The following SMARCA4 variants were observed in gnomAD, a reference collection of about 807,000 sequenced individuals.
SMARCA4 encodes the protein SWI/SNF related BAF chromatin remodeling complex subunit ATPase 4, also known as SWI/SNF-related matrix-associated actin-dependent regulator of chromatin subfamily A member 4.
In SMARCA4, 31 loss-of-function variants were observed where a neutral mutation model predicts 193.9. The observed-to-expected ratio is 0.16, with a 90% confidence interval of 0.12 to 0.22. SMARCA4 has a LOEUF of 0.22. SMARCA4 is among the 10% of genes least tolerant of loss of function. The pLI is 1.00. For missense variants in SMARCA4, 1,148 were observed against 2,296.0 expected (o/e 0.50, Z 10.22); for synonymous variants, 942 against 933.1 (o/e 1.01, Z -0.17).
At chr19:11,027,381 C>T (rs1490171850) in intron 23 of SMARCA4, among the ~76,000 whole-genome samples, 2 of 152,166 alleles carry the variant, frequency 1.3e-5, no homozygotes, top group Non-Finnish European at 2.9e-5. Context: ...CCTTCTGGGT[C>T]TAGCAGAGCA....
In SMARCA4 at chr19:11,041,410, C is replaced by G; in HGVS notation, c.4274C>G (p.Thr1425Ser). ...RDSDAGSSTP[T>S]TSTRSRDKDD... ...AGCGACGCCGGCTCCTCCACCCCGA[C>G]CACCAGCACCCGCAGCCGCGACAAG... is the stretch of plus-strand genomic sequence containing the variant. The change falls in exon 30 of 35, where the codon ACC (threonine) becomes AGC (serine). Residue 1425 changes from threonine (T) to serine (S), a missense_variant. Thr to Ser is a moderately conservative substitution (Grantham distance 58). Coordinates refer to ENST00000344626, the MANE Select transcript of SMARCA4 (RefSeq NM_003072.5). This position sits in a 1 kb window ranked among gnomAD's most constrained non-coding sequence, Gnocchi z 5.6. 1 of 1,612,358 alleles carries G rather than the reference C, an allele frequency of 6.2e-7. No individual in the cohort carries two copies. Among genetic ancestry groups the G allele is most frequent in the Non-Finnish European group, 8.5e-7 (1 of 1,179,918 alleles).
In SMARCA4 at chr19:11,058,270, G is replaced by A. The variant is rs2147085103; in HGVS notation, c.4440G>A (p.Gln1480=). ...IKYKDSSSGR[Q]LSEVFIQLPS... ...TGCCTTGCAGCAGCAGTGGACGTCA[G>A]CTCAGCGAGGTCTTCATCCAGCTGC... is the stretch of plus-strand genomic sequence containing the variant. The change falls in exon 31 of 35, where the codon CAG becomes CAA. Residue 1480 remains glutamine, a synonymous_variant. Transcript: ENST00000344626. The surrounding 1 kb of genome is among the most constrained non-coding windows in gnomAD (Gnocchi z 5.8). 1.2e-6 allele frequency: 2 copies of A among 1,612,686 alleles called. No homozygotes were observed. Among genetic ancestry groups the A allele is most frequent in the Non-Finnish European group, 1.7e-6 (2 of 1,179,780 alleles).
chr19:11,007,472 C>G (rs1403426792), intron 13 of SMARCA4, among the ~76,000 whole-genome samples: 1 of 147,038 alleles, frequency 6.8e-6, no homozygotes, highest in Non-Finnish European at 1.5e-5. Context: ...AGTGTGGTGG[C>G]ATTTGCCTGT....
At chr19:11,003,503 C>G in intron 13 of SMARCA4, 106 bp downstream of exon 13, 1 of 1,034,130 alleles carries the variant, frequency 9.7e-7, no homozygotes, top group South Asian at 1.3e-5. Flanking sequence ...TCTTGTGGGG[C>G]AGGGAACAGC....
At chr19:10,982,908 G>A (rs1460213484) in intron 1 of SMARCA4, among the ~76,000 whole-genome samples, 1 of 152,196 alleles carries the variant, frequency 6.6e-6, no homozygotes. Flanking sequence ...GGGGCAAAGA[G>A]ATTCATTCCA....
At position 11,049,019 on chromosome 19, in the gene SMARCA4, G is replaced by A. The variant is rs2076106523; in HGVS notation, c.4424+7459G>A. Among the ~76,000 whole-genome samples, 3 of 152,178 alleles carry A rather than the reference G, an allele frequency of 2.0e-5. No individual in the cohort carries two copies. In the South Asian group the frequency reaches 6.2e-4, roughly 32 times the overall value. On this transcript the variant is annotated intron_variant, in intron 30 of 34. Transcript: ENST00000344626. Reference sequence around the variant, plus strand: ...CCCTCCTGCTCAGGGGCCACAGTAGGAACAGGCTGGAGTGTTCTGTGGTAC... The same window carrying A: ...CCCTCCTGCTCAGGGGCCACAGTAGAAACAGGCTGGAGTGTTCTGTGGTAC...
chr19:11,004,708 C>G (rs1028113760), intron 13 of SMARCA4, among the ~76,000 whole-genome samples: 13 of 152,078 alleles, frequency 8.5e-5, no homozygotes, highest in African/African-American at 2.9e-4. Context: ...TTTTTAAGAC[C>G]ATTTATATTT....
intron 30 of SMARCA4, among the ~76,000 whole-genome samples, chr19:11,044,161 C>T (rs751764597): frequency 2.0e-5 from 3 of 152,066 alleles, no homozygotes; most frequent in Non-Finnish European, 4.4e-5. Context: ...TCCTGGGTAT[C>T]CACGTAGAGA....
rs751138896 is a variant in SMARCA4 at position 11,019,709 on chromosome 19, G to A, written c.2616+8G>A. The A allele has an allele frequency of 6.9e-6, 11 of 1,595,246 alleles. No individual in the cohort carries two copies. The highest frequency in any genetic ancestry group is 9.5e-6 in the Non-Finnish European group (11 of 1,163,728). On this transcript the variant is annotated splice_region_variant and intron_variant, in intron 18 of 34. Transcript: ENST00000344626. This position sits in a 1 kb window ranked among gnomAD's most constrained non-coding sequence, Gnocchi z 6.1. ...AAGCACATCCTCGCCAAGGTAACGTGTCCCTGTGGGAAATGCCAGGCCATG... is the reference window on the plus strand; with the variant it reads ...AAGCACATCCTCGCCAAGGTAACGTATCCCTGTGGGAAATGCCAGGCCATG...
intron 1 of SMARCA4, among the ~76,000 whole-genome samples, chr19:10,973,780 A>G (rs575303949): frequency 4.5e-4 from 69 of 152,204 alleles, no homozygotes; most frequent in South Asian, 2.3e-3. Flanking sequence ...CGTGTTAGCC[A>G]GGATGGTCTC....
intron 7 of SMARCA4, among the ~76,000 whole-genome samples, chr19:10,990,093 C>G (rs1440607618): frequency 6.6e-6 from 1 of 151,982 alleles, no homozygotes; most frequent in Non-Finnish European, 1.5e-5. Flanking sequence ...AGGCTCATGT[C>G]CTCCTCCCGC....
intron 1 of SMARCA4, among the ~76,000 whole-genome samples, chr19:10,970,149 G>A (rs2084562068): frequency 6.6e-6 from 1 of 152,170 alleles, no homozygotes; most frequent in Non-Finnish European, 1.5e-5. Context: ...GATGGGGCTG[G>A]TTACCAGAAA....
At chr19:11,042,695 T>C (rs990846200) in intron 30 of SMARCA4, among the ~76,000 whole-genome samples, 1 of 152,222 alleles carries the variant, frequency 6.6e-6, no homozygotes, top group Non-Finnish European at 1.5e-5. Context: ...GAGTCAAAAT[T>C]ACCGCGCAAG....
chr19:10,995,998 C>T, intron 9 of SMARCA4: 1 of 637,028 alleles, frequency 1.6e-6, no homozygotes, highest in Admixed American at 2.1e-5. Context: ...GCTGGCGGGA[C>T]TGTCTGCCTA....
intron 8 of SMARCA4, among the ~76,000 whole-genome samples, chr19:10,991,963 C>T (rs371238262): frequency 3.4e-4 from 51 of 152,160 alleles, no homozygotes; most frequent in Middle Eastern, 3.4e-3. Flanking sequence ...ATCAGTAAGA[C>T]GGAAATCTTC....
At position 10,986,638 on chromosome 19, in the gene SMARCA4, C is replaced by T. The variant is rs1468745887; in HGVS notation, c.760+45C>T. 1 of 1,534,828 alleles carries T rather than the reference C, an allele frequency of 6.5e-7. No individual in the cohort carries two copies. Among genetic ancestry groups the T allele is most frequent in the Non-Finnish European group, 8.7e-7 (1 of 1,146,650 alleles). ...CCCTCAGGTGTCTCAGAGCGAATGG[C>T]TGGGGCGTGGGTGGCGGGGTGGACA... On this transcript the variant is annotated intron_variant, in intron 4 of 34. Coordinates refer to ENST00000344626, the MANE Select transcript of SMARCA4 (RefSeq NM_003072.5). The surrounding 1 kb of genome is among the most constrained non-coding windows in gnomAD (Gnocchi z 6.7).
rs2075576409 is a variant in SMARCA4, at chr19:11,041,055, A to G, written c.4171-252A>G. 1.9e-6 allele frequency: 1 copy of G among 522,890 alleles called. No homozygotes were observed. The highest frequency in any genetic ancestry group is 3.5e-5 in the Admixed American group (1 of 28,404). The allele number at this position is 522,890 out of a possible 1,614,324, so 32.4% of individuals were successfully genotyped here. On this transcript the variant is annotated intron_variant, in intron 29 of 34. Coordinates refer to ENST00000344626, the MANE Select transcript of SMARCA4 (RefSeq NM_003072.5). This position sits in a 1 kb window ranked among gnomAD's most constrained non-coding sequence, Gnocchi z 5.6. ...AGATAGTTCTTTTTTTTTGGTCAAG[A>G]AATTCAACCATTAGTTTTTTAAAGA... is the stretch of plus-strand genomic sequence containing the variant.
At chr19:11,000,999 C>T (rs546407035) in intron 11 of SMARCA4, among the ~76,000 whole-genome samples, 8 of 152,064 alleles carry the variant, frequency 5.3e-5, no homozygotes, top group Non-Finnish European at 1.0e-4. Flanking sequence ...TTCTTGTTCT[C>T]GGACAGTGGT....
chr19:10,975,513 G>A (rs773750424), intron 1 of SMARCA4, among the ~76,000 whole-genome samples: 11 of 151,788 alleles, frequency 7.2e-5, no homozygotes, highest in Admixed American at 5.9e-4. Flanking sequence ...GTTTCACCAT[G>A]TTGGCCAGGG....
Sources: gnomAD v4.1 joint callset for allele counts (sites outside exome capture counted in the v4.1 genomes callset) on GRCh38, gnomAD v4.1.1 for gene constraint, Gnocchi (gnomAD v3.1) non-coding constraint, MANE v1.5 for transcripts, NCBI Gene and HGNC (gene_info 2026-07-23, HGNC 2026-07-21) for gene names.